Variants in AGBL1 observed in about 807,000 individuals in gnomAD.
AGBL1 encodes the protein AGBL carboxypeptidase 1.
Under a neutral mutation model 118.9 loss-of-function variants are expected in AGBL1, and 130 were observed. The observed-to-expected ratio is 1.09, with a 90% CI of 0.95 to 1.26. The LOEUF (loss-of-function observed/expected upper bound fraction) is 1.26, where lower values mean the gene tolerates loss of function less well. Ranked by LOEUF, AGBL1 falls within the 50% of genes most tolerant of loss-of-function variation. The pLI, the probability that AGBL1 is intolerant of heterozygous loss-of-function variation, is 0.00. For synonymous variants in AGBL1, 555 were observed against 478.9 expected (o/e 1.16, Z -2.08); for missense variants, 1,584 against 1,298.1 (o/e 1.22, Z -3.38).
chr15:86,544,903 G>T (rs1596249559), intron 19 of AGBL1, among the ~76,000 whole-genome samples: 1 of 152,162 alleles, frequency 6.6e-6, no homozygotes, highest in Non-Finnish European at 1.5e-5. Context: ...GTCTTTTTTA[G>T]ATTTTATTAT....
chr15:86,374,952 T>G (rs2081020550), intron 17 of AGBL1, among the ~76,000 whole-genome samples: 1 of 152,224 alleles, frequency 6.6e-6, no homozygotes, highest in Admixed American at 6.5e-5. Context: ...ACCACAGTGC[T>G]TAGTCAATGA....
At chr15:86,746,253 T>TG (rs1359333916) in intron 22 of AGBL1, among the ~76,000 whole-genome samples, 1 of 152,164 alleles carries the variant, frequency 6.6e-6, no homozygotes, top group Non-Finnish European at 1.5e-5. Context: ...TTGTAAGAAA[T>TG]GGTTGTTTCT....
chr15:86,290,793 A>T (rs556634683), intron 16 of AGBL1, among the ~76,000 whole-genome samples: 1 of 151,494 alleles, frequency 6.6e-6, no homozygotes, highest in South Asian at 2.1e-4. Context: ...GCACCCATTA[A>T]CTCGTCATTT....
At chr15:86,850,190 C>G (rs1039739651) in intron 22 of AGBL1, among the ~76,000 whole-genome samples, 4 of 151,430 alleles carry the variant, frequency 2.6e-5, no homozygotes, top group African/African-American at 9.7e-5. Flanking sequence ...TAACTGGGCT[C>G]AAAAGGGACA....
At chr15:86,108,803 A>T (rs1003399409) in intron 1 of AGBL1, among the ~76,000 whole-genome samples, 3 of 152,112 alleles carry the variant, frequency 2.0e-5, no homozygotes, top group Admixed American at 2.0e-4. Flanking sequence ...CTAAAAATAC[A>T]AAAATTAGCC....
chr15:86,097,535 C>CTTTTT (rs529913129), intron 1 of AGBL1, among the ~76,000 whole-genome samples: 3 of 139,234 alleles, frequency 2.2e-5, no homozygotes, highest in African/African-American at 8.0e-5. Context: ...ATGAGATCCA[C>CTTTTT]TTTTTTTTTT....
chr15:86,118,180 G>T (rs1430447639), intron 1 of AGBL1, among the ~76,000 whole-genome samples: 2 of 152,176 alleles, frequency 1.3e-5, no homozygotes, highest in Non-Finnish European at 2.9e-5. Flanking sequence ...TAAAGGTGCT[G>T]CCAAGGGCTT....
At chr15:86,811,077 G>C (rs371553501) in intron 22 of AGBL1, among the ~76,000 whole-genome samples, 1 of 152,190 alleles carries the variant, frequency 6.6e-6, no homozygotes, top group South Asian at 2.1e-4. Context: ...CAAATATGTG[G>C]ATCATTCTTG....
intron 22 of AGBL1, among the ~76,000 whole-genome samples, chr15:86,728,619 T>C (rs918530962): frequency 1.3e-5 from 2 of 152,240 alleles, no homozygotes; most frequent in Non-Finnish European, 2.9e-5. Flanking sequence ...ATTATGCTCA[T>C]CATGAATTGT....
intron 17 of AGBL1, among the ~76,000 whole-genome samples, chr15:86,365,059 A>T (rs180946745): frequency 6.7e-6 from 1 of 148,598 alleles, no homozygotes; most frequent in East Asian, 2.0e-4. Context: ...ATATATATAC[A>T]CATATATATA....
chr15:86,564,796 A>G (rs1009634549), intron 21 of AGBL1, among the ~76,000 whole-genome samples: 8 of 152,166 alleles, frequency 5.3e-5, no homozygotes, highest in African/African-American at 1.7e-4. Context: ...GTCTTTTCAC[A>G]TAGTCCCATA....
chr15:87,011,110 G>C (rs2081554980), intron 24 of AGBL1, among the ~76,000 whole-genome samples: 1 of 152,222 alleles, frequency 6.6e-6, no homozygotes, highest in African/African-American at 2.4e-5. Flanking sequence ...GTGAATGAAA[G>C]TGATTTGTCA....
chr15:86,079,967 A>G lies in AGBL1; in HGVS notation c.-6A>G, dbSNP rs1036414837. 6 of 1,231,906 alleles carry G rather than the reference A, an allele frequency of 4.9e-6. No individual in the cohort carries two copies. Among genetic ancestry groups the G allele is most frequent in the African/African-American group, 3.1e-5 (2 of 64,412 alleles). 76.3% of individuals were successfully genotyped at this position (1,231,906 alleles called of 1,614,324 possible). On this transcript the variant is annotated 5_prime_UTR_variant, in exon 1 of 23. Coordinates refer to ENST00000614907, the MANE Select transcript of AGBL1 (RefSeq NM_001386094.1). ...AGGCAGCGGTTCCCTAGGACCCGAG[A>G]AAAGGATGGCCGAACAAGAAGCTAG...
At chr15:87,015,527 C>T (rs147888630) in intron 24 of AGBL1, among the ~76,000 whole-genome samples, 1 of 152,224 alleles carries the variant, frequency 6.6e-6, no homozygotes, top group East Asian at 1.9e-4. Flanking sequence ...TGATTCATTG[C>T]AACATTCATT....
intron 15 of AGBL1, among the ~76,000 whole-genome samples, chr15:86,275,994 A>G (rs562019038): frequency 6.6e-6 from 1 of 152,202 alleles, no homozygotes; most frequent in Non-Finnish European, 1.5e-5. Context: ...ATGAGATAAA[A>G]CACGTGTAAA....
In AGBL1 at chr15:86,908,769, G is replaced by T. The variant is rs556998818; in HGVS notation, c.*1475G>T. On this transcript the variant is annotated 3_prime_UTR_variant, in exon 23 of 23. Transcript: ENST00000614907. ...AGAAGGGACGACAAAGGCAGTGGTA[G>T]AGTGAGAGATAGAATACGCTAGGTC... 2.6e-5 allele frequency: 4 copies of T among 152,412 alleles called. No individual in the cohort carries two copies. The South Asian group carries it at 8.3e-4, about 32-fold the overall frequency. 9.4% of individuals were successfully genotyped at this position (152,412 alleles called of 1,614,324 possible). A position where few individuals can be genotyped will look rare whatever the true frequency, so the allele number is the denominator to read the frequency against.
intron 22 of AGBL1, among the ~76,000 whole-genome samples, chr15:86,815,474 A>AT (rs2141375591): frequency 6.6e-6 from 1 of 152,246 alleles, no homozygotes; most frequent in Non-Finnish European, 1.5e-5. Context: ...GAGACCAATC[A>AT]TTTTTGGCAA....
chr15:86,491,763 AC>A (rs1355941346), intron 18 of AGBL1, among the ~76,000 whole-genome samples: 1 of 151,988 alleles, frequency 6.6e-6, no homozygotes, highest in Non-Finnish European at 1.5e-5. Context: ...ACTCTAAAGC[AC>A]TGGAAAAAAA....
At chr15:86,244,090 T>TAA (rs869126841) in intron 6 of AGBL1, among the ~76,000 whole-genome samples, 72 of 93,472 alleles carry the variant, frequency 7.7e-4, no homozygotes, top group South Asian at 6.8e-3. Context: ...TAAATAAATA[T>TAA]ATATATAAGT....
Sources: gnomAD v4.1 joint callset for allele counts (sites outside exome capture counted in the v4.1 genomes callset) on GRCh38, gnomAD v4.1.1 for gene constraint, MANE v1.5 for transcripts, NCBI Gene and HGNC (gene_info 2026-07-23, HGNC 2026-07-21) for gene names.